The following SNX30 variants were observed in gnomAD, a reference collection of about 807,000 sequenced individuals.
SNX30 encodes sorting nexin family member 30.
SNX30 carries 24 observed loss-of-function variants against 46.4 expected under a neutral mutation model. The observed-to-expected ratio is 0.52, with a 90% confidence interval of 0.37 to 0.73. The LOEUF is 0.73. SNX30 is among the 30% of genes least tolerant of loss of function. SNX30 has a pLI of 0.00. For missense variants in SNX30, 533 were observed against 555.7 expected, an observed-to-expected ratio of 0.96 and a Z score of 0.41; for synonymous variants, 189 against 211.5, an observed-to-expected ratio of 0.89 and a Z score of 0.92.
At chr9:112,780,491 G>C (rs1242838145) in intron 1 of SNX30, among the ~76,000 whole-genome samples, 1 of 152,198 alleles carries the variant, frequency 6.6e-6, no homozygotes, top group African/African-American at 2.4e-5. Flanking sequence ...ATGTGGGTTT[G>C]CTGATGGCAG....
At chr9:112,865,327 A>C (rs1382903616) in intron 8 of SNX30, among the ~76,000 whole-genome samples, 1 of 152,022 alleles carries the variant, frequency 6.6e-6, no homozygotes, top group Non-Finnish European at 1.5e-5. Context: ...TCGTATGTCC[A>C]GCAAACCAGT....
intron 2 of SNX30, among the ~76,000 whole-genome samples, chr9:112,805,306 A>T (rs1177947289): frequency 6.6e-6 from 1 of 152,074 alleles, no homozygotes. Flanking sequence ...AACCTAAATC[A>T]CTGTGATGAG....
intron 3 of SNX30, 47 bp downstream of exon 3, chr9:112,817,862 T>C: frequency 7.6e-7 from 1 of 1,315,608 alleles, no homozygotes; most frequent in Non-Finnish European, 1.1e-6. Context: ...TCCTGTGTTG[T>C]CTTTCCTGAA....
intron 7 of SNX30, among the ~76,000 whole-genome samples, chr9:112,857,654 A>T (rs1841155944): frequency 6.6e-6 from 1 of 152,178 alleles, no homozygotes; most frequent in African/African-American, 2.4e-5. Context: ...TCATGAGAGC[A>T]GATAATGTGA....
chr9:112,832,207 A>T (rs902518048), intron 4 of SNX30, among the ~76,000 whole-genome samples: 1 of 151,756 alleles, frequency 6.6e-6, no homozygotes, highest in Non-Finnish European at 1.5e-5. Flanking sequence ...TACACTTTTT[A>T]AAACTAAGTA....
At chr9:112,790,505 G>A (rs548640929) in intron 1 of SNX30, among the ~76,000 whole-genome samples, 1 of 152,290 alleles carries the variant, frequency 6.6e-6, no homozygotes, top group East Asian at 1.9e-4. Flanking sequence ...GGGAGCTGGT[G>A]GAAGCATGCG....
intron 7 of SNX30, among the ~76,000 whole-genome samples, chr9:112,863,342 G>A (rs1018230571): frequency 6.6e-6 from 1 of 152,182 alleles, no homozygotes; most frequent in Non-Finnish European, 1.5e-5. Flanking sequence ...ACCTGGCTTT[G>A]GGCCTGTCGG....
chr9:112,881,168 A>C lies in SNX30; in HGVS notation n.3825-260A>C, dbSNP rs145066364. On this transcript the variant is annotated intron_variant and non_coding_transcript_variant, in intron 5 of 5. Transcript: ENST00000604751. ...CTGAAGTCCTGGATCAGTGTGACTT[A>C]GGCATGTCCTTCAACCTCTGGCACC... Among the ~76,000 whole-genome samples, 7 of 152,318 alleles carry C rather than the reference A, an allele frequency of 4.6e-5. No homozygotes were observed. The East Asian group carries it at 1.4e-3, about 29-fold the overall frequency.
Position 112,868,883 on chromosome 9 carries a change from G to A in SNX30, c.*40G>A, listed in dbSNP as rs138029450. ...ACGGAGACTCTTCTACCTACACAGG[G>A]CCTGGCACCCTATACCGGAATGTCC... On this transcript the variant is annotated 3_prime_UTR_variant, in exon 9 of 9. Coordinates refer to ENST00000374232, the MANE Select transcript of SNX30 (RefSeq NM_001012994.2). 1 of 1,596,882 alleles carries A rather than the reference G, an allele frequency of 6.3e-7. No individual in the cohort carries two copies. The highest frequency in any genetic ancestry group is 8.6e-7 in the Non-Finnish European group (1 of 1,164,446).
At chr9:112,840,686 A>G (rs1378731039) in intron 6 of SNX30, among the ~76,000 whole-genome samples, 1 of 152,092 alleles carries the variant, frequency 6.6e-6, no homozygotes, top group Non-Finnish European at 1.5e-5. Flanking sequence ...GGGTTTCCCC[A>G]TGTTGGCCAC....
At chr9:112,836,856 G>T (rs894588965) in intron 5 of SNX30, among the ~76,000 whole-genome samples, 1 of 152,138 alleles carries the variant, frequency 6.6e-6, no homozygotes, top group Non-Finnish European at 1.5e-5. Flanking sequence ...ACTTGTAATT[G>T]ACTCACCCAC....
chr9:112,809,006 G>A (rs1840274833), intron 2 of SNX30, among the ~76,000 whole-genome samples: 1 of 152,260 alleles, frequency 6.6e-6, no homozygotes, highest in Middle Eastern at 3.4e-3. Flanking sequence ...CTCATGGGTG[G>A]TGGAGCTAGA....
chr9:112,857,814 ATCTATTTATTTAT>A (rs1453351328), intron 7 of SNX30, among the ~76,000 whole-genome samples: 1 of 151,914 alleles, frequency 6.6e-6, no homozygotes. Flanking sequence ...CCATCCATCT[ATCTATTTATTTAT>A]TGCTCTGTTG....
intron 1 of SNX30, among the ~76,000 whole-genome samples, chr9:112,763,749 T>C (rs1839482849): frequency 6.6e-6 from 1 of 151,000 alleles, no homozygotes; most frequent in African/African-American, 2.4e-5. Flanking sequence ...CTTGGGAGGC[T>C]GAGGCAGGAG....
intron 2 of SNX30, among the ~76,000 whole-genome samples, chr9:112,809,099 T>C (rs1011431370): frequency 6.6e-6 from 1 of 151,782 alleles, no homozygotes; most frequent in African/African-American, 2.4e-5. Context: ...TTCTTTTTTT[T>C]TTTTTTTGAC....
At chr9:112,816,829 C>T (rs561554616) in intron 2 of SNX30, among the ~76,000 whole-genome samples, 1 of 152,236 alleles carries the variant, frequency 6.6e-6, no homozygotes, top group East Asian at 1.9e-4. Context: ...TGTGTATCCT[C>T]ATAGGGAAAA....
rs1485070286 is a variant in SNX30 at position 112,804,866 on chromosome 9, G to A, written c.247G>A (p.Asp83Asn). ...SLLNRLQLDDDIDGETRDLFV... is the reference protein window; with the variant it reads ...SLLNRLQLDDNIDGETRDLFV... ...TCTCAACAGACTTCAGCTTGATGAT[G>A]ATATTGATGGTGAGACTAGAGATCT... The change falls in exon 2 of 9, where the codon GAT (aspartate) becomes AAT (asparagine). Residue 83 changes from aspartate (D) to asparagine (N), a missense_variant. This residue lies in a region of SNX30 where 191 missense variants were observed against 160.3 expected (regional missense o/e 1.19). Transcript: ENST00000374232. The A allele has an allele frequency of 6.2e-7, 1 of 1,614,042 alleles. No homozygotes were observed. Among genetic ancestry groups the A allele is most frequent in the Non-Finnish European group, 8.5e-7 (1 of 1,179,940 alleles).
intron 1 of SNX30, among the ~76,000 whole-genome samples, chr9:112,775,542 T>TTGTGTG (rs199600863): frequency 0.093 from 12,227 of 131,192 alleles, 681 homozygotes; most frequent in Middle Eastern, 0.14. Context: ...TATTTTAAAT[T>TTGTGTG]TGTGTGTGTG....
chr9:112,762,589 G>T (rs62576370), intron 1 of SNX30, among the ~76,000 whole-genome samples: 15,235 of 151,924 alleles, frequency 0.1, 834 homozygotes, highest in African/African-American at 0.13. Flanking sequence ...ATCTAAAATT[G>T]GGATTATCTT....
Sources: gnomAD v4.1 joint callset for allele counts (sites outside exome capture counted in the v4.1 genomes callset) on GRCh38, gnomAD v4.1.1 for gene constraint, gnomAD v4.1.1 regional missense constraint, MANE v1.5 for transcripts, NCBI Gene and HGNC (gene_info 2026-07-23, HGNC 2026-07-21) for gene names.